Variants in EXTL3 observed in about 807,000 individuals in gnomAD.
EXTL3 encodes the protein exostosin like glycosyltransferase 3.
Under a neutral mutation model 69.3 loss-of-function variants are expected in EXTL3, and 27 were observed. That is an observed-to-expected ratio of 0.39 (90% CI 0.29 to 0.54). The LOEUF (loss-of-function observed/expected upper bound fraction) is 0.54. EXTL3 is among the 20% of genes least tolerant of loss of function. The pLI, the probability that EXTL3 is intolerant of heterozygous loss-of-function variation, is 0.69. For synonymous variants in EXTL3, 511 were observed against 499.4 expected (o/e 1.02, Z -0.31); for missense variants, 1,003 against 1,231.8 (o/e 0.81, Z 2.78).
chr8:28,662,001 T>C (rs1807124426), intron 1 of EXTL3, among the ~76,000 whole-genome samples: 2 of 151,052 alleles, frequency 1.3e-5, no homozygotes, highest in Admixed American at 1.3e-4. Context: ...ATATAAAATA[T>C]ATACTTATAT....
At chr8:28,610,213 A>ATGTGTGTGTGTGTGTG (rs1307206052) in intron 2 of EXTL3, among the ~76,000 whole-genome samples, 2 of 114,188 alleles carry the variant, frequency 1.8e-5, no homozygotes, top group African/African-American at 7.5e-5. Flanking sequence ...AAAAATATGT[A>ATGTGTGTGTGTGTGTG]TATGTGTGTG....
intron 2 of EXTL3, among the ~76,000 whole-genome samples, chr8:28,608,779 G>T (rs1322828390): frequency 6.6e-6 from 1 of 151,944 alleles, no homozygotes; most frequent in Non-Finnish European, 1.5e-5. Flanking sequence ...TAGGAGGATC[G>T]CTTGAGCTCA....
intron 1 of EXTL3, among the ~76,000 whole-genome samples, chr8:28,628,688 C>G (rs1432871952): frequency 6.6e-6 from 1 of 152,178 alleles, no homozygotes; most frequent in Non-Finnish European, 1.5e-5. Context: ...GAGTCTCACT[C>G]TGTTTCCCAG....
At chr8:28,669,178 C>A (rs1472268621) in intron 1 of EXTL3, among the ~76,000 whole-genome samples, 1 of 152,148 alleles carries the variant, frequency 6.6e-6, no homozygotes, top group Non-Finnish European at 1.5e-5. Context: ...AGAAGCAAAT[C>A]TCTGAGGCCC....
chr8:28,661,057 G>A (rs949040757), intron 1 of EXTL3, among the ~76,000 whole-genome samples: 6 of 151,500 alleles, frequency 4.0e-5, no homozygotes, highest in Non-Finnish European at 7.4e-5. Flanking sequence ...GGGACTACAG[G>A]TGCCTGCCAC....
At chr8:28,727,229 T>C (rs989692386) in intron 3 of EXTL3, among the ~76,000 whole-genome samples, 19 of 152,182 alleles carry the variant, frequency 1.2e-4, no homozygotes, top group African/African-American at 3.4e-4. Flanking sequence ...TGCAGTTTGC[T>C]ATACCTGAAC....
intron 1 of EXTL3, among the ~76,000 whole-genome samples, chr8:28,645,723 C>T (rs1336678254): frequency 6.6e-6 from 1 of 151,030 alleles, no homozygotes; most frequent in South Asian, 2.1e-4. Flanking sequence ...GAGATGGGGT[C>T]TTGCTATGTT....
chr8:28,636,206 C>A (rs112288775), intron 1 of EXTL3, among the ~76,000 whole-genome samples: 24 of 151,972 alleles, frequency 1.6e-4, no homozygotes, highest in African/African-American at 5.5e-4. Flanking sequence ...GTGGTGCGCA[C>A]CTGTAGTCCC....
intron 1 of EXTL3, among the ~76,000 whole-genome samples, chr8:28,681,582 T>C (rs915161176): frequency 6.6e-6 from 1 of 152,220 alleles, no homozygotes; most frequent in Non-Finnish European, 1.5e-5. Flanking sequence ...TTTTGGCTAT[T>C]GTAAATAGCA....
chr8:28,662,435 A>C (rs777731261), intron 1 of EXTL3, among the ~76,000 whole-genome samples: 2 of 152,200 alleles, frequency 1.3e-5, no homozygotes, highest in Non-Finnish European at 2.9e-5. Flanking sequence ...AATTGGCCAA[A>C]ACAACAATAT....
In EXTL3 at chr8:28,754,365, G is replaced by A. The variant is rs1446204992; in HGVS notation, c.*3499G>A. ...GAGGACTCCTCTCCTGGGCTCTGCA[G>A]GTGGCAGCTTTGGTCACACTGACAG... On this transcript the variant is annotated 3_prime_UTR_variant, in exon 7 of 7. Coordinates refer to ENST00000220562, the MANE Select transcript of EXTL3 (RefSeq NM_001440.4). 6.6e-6 allele frequency: 1 copy of A among 152,550 alleles called. No homozygotes were observed. The highest frequency in any genetic ancestry group is 1.5e-5 in the Non-Finnish European group (1 of 68,262). The allele number at this position is 152,550 out of a possible 1,614,324, so 9.4% of individuals were successfully genotyped here.
At chr8:28,658,130 C>T (rs1479659126) in intron 1 of EXTL3, among the ~76,000 whole-genome samples, 1 of 152,194 alleles carries the variant, frequency 6.6e-6, no homozygotes, top group Non-Finnish European at 1.5e-5. Context: ...GCCACGTGGT[C>T]CTGCTCTCAC....
intron 5 of EXTL3, chr8:28,740,785 A>G (rs915483631): frequency 6.6e-6 from 1 of 152,104 alleles, no homozygotes; most frequent in Non-Finnish European, 1.5e-5. Flanking sequence ...ACTGATAGAT[A>G]TTTTTTAGAG....
At chr8:28,650,181 G>A (rs1240239758) in intron 1 of EXTL3, among the ~76,000 whole-genome samples, 1 of 142,830 alleles carries the variant, frequency 7.0e-6, no homozygotes, top group Non-Finnish European at 1.5e-5. Context: ...GGGTGACAGA[G>A]TGAGACTCTG....
chr8:28,749,670 A>G (rs1001168206), intron 6 of EXTL3, among the ~76,000 whole-genome samples: 6 of 151,008 alleles, frequency 4.0e-5, no homozygotes, highest in Non-Finnish European at 7.4e-5. Context: ...TTCATTATTC[A>G]TTGTTTATTC....
chr8:28,717,148 C>T lies in EXTL3; in HGVS notation c.1089C>T (p.Phe363=), dbSNP rs373894936. 14 of 1,614,236 alleles carry T rather than the reference C, an allele frequency of 8.7e-6. No individual in the cohort carries two copies. The highest frequency in any genetic ancestry group is 2.7e-5 in the African/African-American group (2 of 75,062). Residue 363 remains phenylalanine, a synonymous_variant, in exon 3 of 7, where the codon TTC becomes TTT. Coordinates refer to ENST00000220562, the MANE Select transcript of EXTL3 (RefSeq NM_001440.4). The surrounding 1 kb of genome is among the most constrained non-coding windows in gnomAD (Gnocchi z 8.3). ...CTAGCCTTCAGGAGGCCCGCTCCTT[C>T]GAAGAGGAAATGGAGGGCGACCCTC... is the stretch of plus-strand genomic sequence containing the variant. The part of the protein sequence containing the change: ...LRSSLQEARS[F]EEEMEGDPPA...
intron 3 of EXTL3, among the ~76,000 whole-genome samples, chr8:28,729,671 A>G (rs955988688): frequency 1.3e-5 from 2 of 151,728 alleles, no homozygotes; most frequent in African/African-American, 4.8e-5. Context: ...AAAGTTAACA[A>G]AAGTTTATCA....
At chr8:28,648,482 G>T (rs1408668134) in intron 1 of EXTL3, among the ~76,000 whole-genome samples, 1 of 152,194 alleles carries the variant, frequency 6.6e-6, no homozygotes, top group East Asian at 1.9e-4. Context: ...ATTCAGAAAA[G>T]TATGAAGAAT....
chr8:28,752,925 C>A lies in EXTL3; in HGVS notation c.*2059C>A, dbSNP rs193050903. 1.9e-3 allele frequency: 292 copies of A among 152,924 alleles called. No homozygotes were observed. The highest frequency in any genetic ancestry group is 2.5e-3 in the Non-Finnish European group (172 of 68,250). The allele number at this position is 152,924 out of a possible 1,614,324, so 9.5% of individuals were successfully genotyped here. A position where few individuals can be genotyped will look rare whatever the true frequency, so the allele number is the denominator to read the frequency against. On this transcript the variant is annotated 3_prime_UTR_variant, in exon 7 of 7. Coordinates refer to ENST00000220562, the MANE Select transcript of EXTL3 (RefSeq NM_001440.4). ...GCCGGGGCCGTCTGTGTGGTGGGAC[C>A]CCCTTTAGCGGGACTCAGTGAGCTG... is the stretch of plus-strand genomic sequence containing the variant.
Sources: gnomAD v4.1 joint callset for allele counts (sites outside exome capture counted in the v4.1 genomes callset) on GRCh38, gnomAD v4.1.1 for gene constraint, Gnocchi (gnomAD v3.1) non-coding constraint, MANE v1.5 for transcripts, NCBI Gene and HGNC (gene_info 2026-07-23, HGNC 2026-07-21) for gene names.